The following STEAP4 variants were observed in gnomAD, a reference collection of about 807,000 sequenced individuals.
STEAP4 encodes the protein STEAP4 metalloreductase.
In STEAP4, 36 loss-of-function variants were observed where a neutral mutation model predicts 43.6. The ratio of observed to expected loss-of-function variants is 0.83; its 90% CI spans 0.63 to 1.09. The LOEUF (loss-of-function observed/expected upper bound fraction) is 1.09, where lower values mean the gene tolerates loss of function less well. STEAP4 is among the 50% of genes least tolerant of loss of function. The pLI is 0.00. For synonymous variants in STEAP4, 191 were observed against 196.7 expected (o/e 0.97, Z 0.24); for missense variants, 495 against 546.5 (o/e 0.91, Z 0.94).
At chr7:88,296,196 G>A (rs906157356) in intron 1 of STEAP4, among the ~76,000 whole-genome samples, 2 of 152,280 alleles carry the variant, frequency 1.3e-5, no homozygotes, top group Non-Finnish European at 2.9e-5. Context: ...ACAGCATAAT[G>A]TGATAACGTG....
intron 1 of STEAP4, among the ~76,000 whole-genome samples, chr7:88,288,616 A>G (rs1048974846): frequency 6.6e-6 from 1 of 152,244 alleles, no homozygotes; most frequent in African/African-American, 2.4e-5. Flanking sequence ...ATAAAAATAA[A>G]TAACTTCTGC....
intron 1 of STEAP4, among the ~76,000 whole-genome samples, chr7:88,300,940 A>G (rs1344808545): frequency 6.6e-6 from 1 of 152,102 alleles, no homozygotes; most frequent in African/African-American, 2.4e-5. Flanking sequence ...GACCCTCTCT[A>G]CCTCACACAT....
At position 88,284,126 on chromosome 7, in the gene STEAP4, T is replaced by A; in HGVS notation, c.144A>T (p.Gly48=). Residue 48 remains glycine (G), a synonymous_variant, in exon 2 of 5, where the codon GGA becomes GGT. Coordinates refer to ENST00000380079, the MANE Select transcript of STEAP4 (RefSeq NM_024636.4). Reference sequence around the variant, plus strand: ...GGGTGGTCTTCTGGGGGTTTCGACTTCCAAAAACAACAGAATAACCACACT... The same window carrying A: ...GGGTGGTCTTCTGGGGGTTTCGACTACCAAAAACAACAGAATAACCACACT... The part of the protein sequence containing the change: ...MLQCGYSVVF[G]SRNPQKTTLL... 1 of 1,614,116 alleles carries A rather than the reference T, an allele frequency of 6.2e-7. No individual in the cohort carries two copies. The highest frequency in any genetic ancestry group is 8.5e-7 in the Non-Finnish European group (1 of 1,180,016).
In STEAP4 at chr7:88,271,594, T is replaced by C. The variant is rs1852439324; in HGVS notation, c.*7804A>G. On this transcript the variant is annotated 3_prime_UTR_variant, in exon 5 of 5. Transcript: ENST00000380079. ...TGAATCACTGCCCATATTCTACTTT[T>C]ACAATGTTATTCATGAAAAACAAGA... 1 of 152,230 alleles carries C rather than the reference T, an allele frequency of 6.6e-6. No homozygotes were observed. Among genetic ancestry groups the C allele is most frequent in the Non-Finnish European group, 1.5e-5 (1 of 68,036 alleles). The allele number at this position is 152,230 out of a possible 1,614,324, so 9.4% of individuals were successfully genotyped here.
In STEAP4 at chr7:88,275,600, G is replaced by GTGTGTGTGTGT. The variant is rs1852501884; in HGVS notation, c.*3797_*3798insACACACACACA. ...TAAGGCTATCTGTGGGCTCTCATGG[G>GTGTGTGTGTGT]GTGTGTGTGTGTGTGTGTGTGTGTG... is the stretch of plus-strand genomic sequence containing the variant. On this transcript the variant is annotated 3_prime_UTR_variant, in exon 5 of 5. Coordinates refer to ENST00000380079, the MANE Select transcript of STEAP4 (RefSeq NM_024636.4). The GTGTGTGTGTGT allele has an allele frequency of 4.8e-5, 7 of 145,046 alleles. No individual in the cohort carries two copies. Among genetic ancestry groups the GTGTGTGTGTGT allele is most frequent in the African/African-American group, 1.8e-4 (7 of 39,260 alleles). 9.0% of individuals were successfully genotyped at this position (145,046 alleles called of 1,614,324 possible). A position where few individuals can be genotyped will look rare whatever the true frequency, so the allele number is the denominator to read the frequency against.
rs1199712361 is a variant in STEAP4, at chr7:88,283,049, G to C, written c.576C>G (p.Tyr192Ter). 6.2e-7 allele frequency: 1 copy of C among 1,613,618 alleles called. No individual in the cohort carries two copies. The highest frequency in any genetic ancestry group is 1.3e-5 in the African/African-American group (1 of 75,006). Residue 192 changes from tyrosine (Y) to a stop codon, truncating the protein, a stop_gained, in exon 3 of 5, where the codon TAC (tyrosine) becomes TAG (stop). Transcript: ENST00000380079. LOFTEE classifies it high-confidence loss of function. ...TCCACATTGGAAATAGCTGCAGGGGGTACTTTTCAATTTCTTTGGCTGCCA... is the reference window on the plus strand; with the variant it reads ...TCCACATTGGAAATAGCTGCAGGGGCTACTTTTCAATTTCTTTGGCTGCCA... Reference protein sequence around the residue: ...SLMAAKEIEKYPLQLFPMWRF... With the variant: ...SLMAAKEIEK
intron 1 of STEAP4, among the ~76,000 whole-genome samples, chr7:88,296,321 C>G (rs1253950349): frequency 6.6e-6 from 1 of 152,156 alleles, no homozygotes; most frequent in African/African-American, 2.4e-5. Flanking sequence ...ATTCCTCAGA[C>G]ATTATCCCCT....
At chr7:88,282,203 C>G (rs972493034) in intron 3 of STEAP4, 85 of 155,724 alleles carry the variant, frequency 5.5e-4, no homozygotes, top group Non-Finnish European at 9.0e-4. Context: ...GGCTGGAGTG[C>G]AGTGGCACGA....
At chr7:88,290,240 T>G (rs373663310) in intron 1 of STEAP4, 35 of 152,330 alleles carry the variant, frequency 2.3e-4, no homozygotes, top group African/African-American at 7.9e-4. Context: ...CATAAATTTT[T>G]TAATGAAGAT....
intron 1 of STEAP4, among the ~76,000 whole-genome samples, chr7:88,295,749 T>C (rs181500020): frequency 4.1e-4 from 63 of 152,296 alleles, no homozygotes; most frequent in Non-Finnish European, 7.2e-4. Flanking sequence ...TAAGCGATTC[T>C]GAAGAGCACC....
intron 1 of STEAP4, among the ~76,000 whole-genome samples, chr7:88,298,579 C>T (rs1033046800): frequency 6.6e-6 from 1 of 150,870 alleles, no homozygotes; most frequent in African/African-American, 2.4e-5. Flanking sequence ...ATTTTCAGAA[C>T]CTACATCTAA....
chr7:88,304,494 A>G (rs1853095704), intron 1 of STEAP4: 1 of 152,146 alleles, frequency 6.6e-6, no homozygotes. Flanking sequence ...CCTACTCTGC[A>G]TTGTTATAGT....
chr7:88,291,996 T>G (rs918113746), intron 1 of STEAP4, among the ~76,000 whole-genome samples: 2 of 152,048 alleles, frequency 1.3e-5, no homozygotes, highest in African/African-American at 4.8e-5. Flanking sequence ...TTACATAGAT[T>G]AGGAATTAGC....
intron 1 of STEAP4, among the ~76,000 whole-genome samples, chr7:88,291,202 C>G (rs1313573564): frequency 2.0e-5 from 3 of 151,922 alleles, no homozygotes; most frequent in Admixed American, 2.0e-4. Context: ...TCTTAAGAAT[C>G]TCCTACTTGT....
chr7:88,286,768 C>CACAT (rs1166932072), intron 1 of STEAP4, among the ~76,000 whole-genome samples: 5 of 124,272 alleles, frequency 4.0e-5, no homozygotes, highest in African/African-American at 1.8e-4. Context: ...CATATAAACA[C>CACAT]ACACACACAC....
At chr7:88,295,902 T>G (rs1254945819) in intron 1 of STEAP4, among the ~76,000 whole-genome samples, 1 of 152,202 alleles carries the variant, frequency 6.6e-6, no homozygotes, top group Non-Finnish European at 1.5e-5. Context: ...AAACTTCACC[T>G]TCCTTACAAT....
rs546759753 is a variant in STEAP4 at position 88,296,777 on chromosome 7, T to G, written c.-3+10015A>C. On this transcript the variant is annotated intron_variant, in intron 1 of 4. Transcript: ENST00000380079. ...TTCACTGAGCTATTTCTGTATTTAG[T>G]GAGATCAAGGCTCCCTAGGGATAAC... is the stretch of plus-strand genomic sequence containing the variant. 1.6e-3 allele frequency among the ~76,000 whole-genome samples: 239 copies of G among 152,268 alleles called. 2 individuals are homozygous for G. The highest frequency in any genetic ancestry group is 5.4e-3 in the African/African-American group (225 of 41,560).
In STEAP4 at chr7:88,274,403, A is replaced by C. The variant is rs983716991; in HGVS notation, c.*4995T>G. The C allele has an allele frequency of 6.6e-6, 1 of 151,814 alleles. No individual in the cohort carries two copies. Among genetic ancestry groups the C allele is most frequent in the Non-Finnish European group, 1.5e-5 (1 of 67,974 alleles). 9.4% of individuals were successfully genotyped at this position (151,814 alleles called of 1,614,324 possible). A position where few individuals can be genotyped will look rare whatever the true frequency, so the allele number is the denominator to read the frequency against. On this transcript the variant is annotated 3_prime_UTR_variant, in exon 5 of 5. Transcript: ENST00000380079. Reference sequence around the variant, plus strand: ...CAAGAGCACTGTCTTGCTCTTCCACACTCCCCTTTTCTCAGTCCCTTTGCC... The same window carrying C: ...CAAGAGCACTGTCTTGCTCTTCCACCCTCCCCTTTTCTCAGTCCCTTTGCC...
At chr7:88,304,269 G>A (rs1002497077) in intron 1 of STEAP4, 3 of 151,974 alleles carry the variant, frequency 2.0e-5, no homozygotes, top group African/African-American at 7.3e-5. Context: ...GCACCAGCAT[G>A]GCACATGTAT....
Sources: allele counts gnomAD v4.1 joint callset (sites outside exome capture counted in the v4.1 genomes callset), GRCh38; gene constraint gnomAD v4.1.1; transcripts MANE v1.5; gene names NCBI Gene and HGNC (gene_info 2026-07-23, HGNC 2026-07-21).